Variants in SPG7 observed in about 807,000 individuals in gnomAD.
SPG7 encodes the protein SPG7 matrix AAA peptidase subunit, paraplegin, also known as mitochondrial inner membrane m-AAA protease component paraplegin.
A neutral mutation model predicts 81.9 loss-of-function variants in SPG7; 103 were observed. The observed-to-expected ratio is 1.26, with a 90% CI of 1.07 to 1.48. The LOEUF (loss-of-function observed/expected upper bound fraction) is 1.48. SPG7 is among the 40% of genes most tolerant of loss of function. SPG7 has a pLI of 0.00. For missense variants in SPG7, 1,241 were observed against 1,087.3 expected (o/e 1.14, Z -1.99); for synonymous variants, 534 against 444.2 (o/e 1.20, Z -2.54).
At chr16:89,537,290 C>CT (rs3833827) in intron 9 of SPG7, 724,547 of 1,314,254 alleles carry the variant, frequency 0.55, 202,609 homozygotes, top group Non-Finnish European at 0.57. Flanking sequence ...CCAGAGCCCC[C>CT]GGGAAGGGCG....
chr16:89,510,433 C>T, intron 1 of SPG7, 57 bp from the exon 2 acceptor site: 1 of 1,089,970 alleles, frequency 9.2e-7, no homozygotes, highest in Non-Finnish European at 1.4e-6. Context: ...GTCTGCATTG[C>T]TTTGGTACTC....
rs777638594 is a variant in SPG7, at chr16:89,524,074, G to A, written c.445G>A (p.Ala149Thr). Residue 149 changes from alanine (A) to threonine (T), a missense_variant, in exon 4 of 17, where the codon GCG becomes ACG. Transcript: ENST00000645818. ...RERLRTLLVI[A>T]VVMSLLNALS... The stretch of plus-strand genomic sequence containing the variant: ...GCGGCTGCGCACCTTGCTGGTCATC[G>A]CGGTTGTCATGAGCCTCCTGAATGC... 3.1e-5 allele frequency: 50 copies of A among 1,613,942 alleles called. No homozygotes were observed. The highest frequency in any genetic ancestry group is 4.2e-5 in the Non-Finnish European group (49 of 1,180,030).
intron 9 of SPG7, among the ~76,000 whole-genome samples, chr16:89,536,565 G>T: frequency 6.8e-6 from 1 of 146,478 alleles, no homozygotes; most frequent in Non-Finnish European, 1.5e-5. Flanking sequence ...GGTGAGGCGG[G>T]TGAGGTCAGG....
chr16:89,544,991 C>A, intron 10 of SPG7: 1 of 612,356 alleles, frequency 1.6e-6, no homozygotes, highest in Non-Finnish European at 3.0e-6. Flanking sequence ...GGCTGCACGC[C>A]CCCTGGCAGA....
In SPG7 at chr16:89,524,045, G is replaced by T; in HGVS notation, c.416G>T (p.Arg139Leu). Reference sequence around the variant, plus strand: ...CGTGAGCGGGACGACCAGATGTACCGAGAGCGGCTGCGCACCTTGCTGGTC... The same window carrying T: ...CGTGAGCGGGACGACCAGATGTACCTAGAGCGGCTGCGCACCTTGCTGGTC... ...RRRERDDQMYRERLRTLLVIA... is the reference protein window; with the variant it reads ...RRRERDDQMYLERLRTLLVIA... The change falls in exon 4 of 17, where the codon CGA becomes CTA. Residue 139 changes from arginine (R) to leucine (L), a missense_variant. By Grantham distance (102) the Arg-to-Leu change is moderately radical. Transcript: ENST00000645818. 6.2e-7 allele frequency: 1 copy of T among 1,613,586 alleles called. No individual in the cohort carries two copies. The highest frequency in any genetic ancestry group is 8.5e-7 in the Non-Finnish European group (1 of 1,180,028).
chr16:89,553,199 T>A, intron 14 of SPG7, 64 bp downstream of exon 14: 1 of 1,447,712 alleles, frequency 6.9e-7, no homozygotes, highest in Non-Finnish European at 9.5e-7. Flanking sequence ...ACTCCTTCTG[T>A]TCCAGTGCAT....
At chr16:89,547,758 G>T in intron 11 of SPG7, 1 of 456,826 alleles carries the variant, frequency 2.2e-6, no homozygotes, top group Non-Finnish European at 4.1e-6. Flanking sequence ...GATTACAGGC[G>T]CTCACCACCA....
At chr16:89,539,046 A>G (rs1003136145) in intron 9 of SPG7, 10 of 152,172 alleles carry the variant, frequency 6.6e-5, no homozygotes, top group African/African-American at 2.4e-4. Flanking sequence ...CCAAGGGGCC[A>G]TTTTCCCAGT....
At position 89,508,576 on chromosome 16, in the gene SPG7, C is replaced by G. The variant is rs747103447; in HGVS notation, c.159C>G (p.Ala53=). 2.0e-6 allele frequency: 3 copies of G among 1,487,544 alleles called. No homozygotes were observed. Among genetic ancestry groups the G allele is most frequent in the South Asian group, 2.6e-5 (2 of 78,198 alleles). The allele number at this position is 1,487,544 out of a possible 1,614,324, so 92.1% of individuals were successfully genotyped here. A position where few individuals can be genotyped will look rare whatever the true frequency, so the allele number is the denominator to read the frequency against. ...YMASRPPGDL[A]EAGGRALQSL... ...CCAGCAGGCCTCCGGGGGACCTCGC[C>G]GAGGCTGGAGGCCGAGCTCTGCAGG... The change falls in exon 1 of 17, where the codon GCC becomes GCG. Residue 53 remains alanine, a synonymous_variant. Coordinates refer to ENST00000645818, the MANE Select transcript of SPG7 (RefSeq NM_003119.4).
intron 9 of SPG7, among the ~76,000 whole-genome samples, chr16:89,534,862 G>C (rs924873366): frequency 1.3e-5 from 2 of 152,196 alleles, no homozygotes; most frequent in Non-Finnish European, 2.9e-5. Flanking sequence ...CCCCCGATGT[G>C]GATGTTTGGT....
intron 3 of SPG7, among the ~76,000 whole-genome samples, chr16:89,515,533 C>G (rs2058083991): frequency 6.6e-6 from 1 of 150,388 alleles, no homozygotes; most frequent in Non-Finnish European, 1.5e-5. Flanking sequence ...TCCCAAAGTG[C>G]TGGGATTACA....
intron 16 of SPG7, chr16:89,556,464 C>T (rs538995456): frequency 1.3e-4 from 41 of 320,314 alleles, no homozygotes; most frequent in South Asian, 6.2e-4. Flanking sequence ...AGGATCCCAC[C>T]TAGAATGGCA....
chr16:89,554,503 G>A lies in SPG7; in HGVS notation c.2121G>A (p.Val707=), dbSNP rs2058667630. The change falls in exon 16 of 17, where the codon GTG becomes GTA. Residue 707 remains valine (V), a synonymous_variant. Coordinates refer to ENST00000645818, the MANE Select transcript of SPG7 (RefSeq NM_003119.4). ...ACTCACAGGAAGCAAGACTGCTGGT[G>A]GCCAAGGCCTACAGACACACCGAGA... ...QMMDHEARLL[V]AKAYRHTEKV... is the part of the protein sequence containing the mutation. 1.2e-6 allele frequency: 2 copies of A among 1,609,020 alleles called. No individual in the cohort carries two copies. Among genetic ancestry groups the A allele is most frequent in the African/African-American group, 1.3e-5 (1 of 74,892 alleles).
intron 3 of SPG7, among the ~76,000 whole-genome samples, chr16:89,516,441 C>T (rs2058097624): frequency 6.6e-6 from 1 of 151,822 alleles, no homozygotes; most frequent in South Asian, 2.1e-4. Context: ...ATCCCAGCTA[C>T]TCCGGAGTCT....
intron 9 of SPG7, chr16:89,540,994 G>A (rs899003387): frequency 1.0e-6 from 1 of 985,290 alleles, no homozygotes; most frequent in African/African-American, 1.7e-5. Flanking sequence ...TTATCACGGC[G>A]TTCTACACAG....
At position 89,515,715 on chromosome 16, in the gene SPG7, A is replaced by G. The variant is rs33954570; in HGVS notation, c.376+2678A>G. Among the ~76,000 whole-genome samples the G allele has an allele frequency of 2.8e-3, 415 of 146,370 alleles. 2 individuals are homozygous for G. The highest frequency in any genetic ancestry group is 9.9e-3 in the African/African-American group (397 of 40,130). On this transcript the variant is annotated intron_variant, in intron 3 of 16. Coordinates refer to ENST00000645818, the MANE Select transcript of SPG7 (RefSeq NM_003119.4). ...TATTATTATTACTATTATTATTATT[A>G]TTTTTTTTTTTGAGATGGGGTCTCG...
intron 9 of SPG7, chr16:89,539,958 C>G (rs956404830): frequency 1.3e-5 from 2 of 152,146 alleles, no homozygotes; most frequent in African/African-American, 4.8e-5. Flanking sequence ...GAGGTTTGGT[C>G]AGGTTCATTT....
In SPG7 at chr16:89,557,313, A is replaced by C; in HGVS notation, c.*220A>C. 3 of 572,692 alleles carry C rather than the reference A, an allele frequency of 5.2e-6. No individual in the cohort carries two copies. 35.5% of individuals were successfully genotyped at this position (572,692 alleles called of 1,614,324 possible). ...CCTGTGTTTGTGAGTCGTTTCCCCT[A>C]TGGGGAAGGTTATCAGTGCTTCCCG... On this transcript the variant is annotated 3_prime_UTR_variant, in exon 17 of 17. Transcript: ENST00000645818.
At chr16:89,515,827 C>A (rs1323387016) in intron 3 of SPG7, among the ~76,000 whole-genome samples, 1 of 151,660 alleles carries the variant, frequency 6.6e-6, no homozygotes, top group South Asian at 2.1e-4. Context: ...CCTGCCTCAG[C>A]CTCTCGAGTA....
Sources: gnomAD v4.1 joint callset for allele counts (sites outside exome capture counted in the v4.1 genomes callset) on GRCh38, gnomAD v4.1.1 for gene constraint, MANE v1.5 for transcripts, NCBI Gene and HGNC (gene_info 2026-07-23, HGNC 2026-07-21) for gene names.